SMARCA4: variants seen among roughly 807,000 people sequenced by gnomAD.
SMARCA4 encodes the protein SWI/SNF-related matrix-associated actin-dependent regulator of chromatin subfamily A member 4.
Under a neutral mutation model 193.9 loss-of-function variants are expected in SMARCA4, and 31 were observed. The observed-to-expected ratio is 0.16, with a 90% CI of 0.12 to 0.22. The LOEUF (loss-of-function observed/expected upper bound fraction) is 0.22, where lower values mean the gene tolerates loss of function less well. Among genes scored for constraint, SMARCA4 ranks in the 10% least tolerant of loss-of-function variants. The pLI, the probability that SMARCA4 is intolerant of heterozygous loss-of-function variation, is 1.00. For missense variants in SMARCA4, 1,148 were observed against 2,296.0 expected (o/e 0.50, Z 10.22); for synonymous variants, 942 against 933.1 (o/e 1.01, Z -0.17).
chr19:11,059,138 T>C, intron 32 of SMARCA4: 2 of 477,374 alleles, frequency 4.2e-6, no homozygotes, highest in Non-Finnish European at 7.6e-6. Flanking sequence ...ATTAAAAATT[T>C]CCAACTTGGG....
In SMARCA4 at chr19:11,030,918, C is replaced by A. The variant is rs375755647; in HGVS notation, c.3546+25C>A. On this transcript the variant is annotated intron_variant, in intron 25 of 34. Coordinates refer to ENST00000344626, the MANE Select transcript of SMARCA4 (RefSeq NM_003072.5). The surrounding 1 kb of genome is among the most constrained non-coding windows in gnomAD (Gnocchi z 5.5). ...GGTAAAAGCGGGCCGGGCCCCAGGT[C>A]GAGGAGAAGGAAGGGGGTGCCTGCA... 2.5e-6 allele frequency: 4 copies of A among 1,603,868 alleles called. No homozygotes were observed. In the South Asian group the frequency reaches 3.4e-5, roughly 13 times the overall value.
At chr19:10,973,588 GAGAC>G (rs2084858773) in intron 1 of SMARCA4, among the ~76,000 whole-genome samples, 1 of 68,616 alleles carries the variant, frequency 1.5e-5, no homozygotes, top group Non-Finnish European at 3.0e-5. Context: ...TTTTTTTTTT[GAGAC>G]AGAGTCTTGC....
intron 16 of SMARCA4, among the ~76,000 whole-genome samples, chr19:11,017,433 G>A (rs954799405): frequency 6.6e-6 from 1 of 152,256 alleles, no homozygotes; most frequent in African/African-American, 2.4e-5. Flanking sequence ...CTGGGCAAGC[G>A]TCCATGCTGT....
chr19:11,012,761 T>C (rs1159468156), intron 15 of SMARCA4, 188 bp from the exon 16 acceptor site: 2 of 656,934 alleles, frequency 3.0e-6, no homozygotes, highest in Admixed American at 4.3e-5. Context: ...ACGTTATTGC[T>C]AAGGATGAGG....
Position 10,994,926 on chromosome 19 carries a change from G to T in SMARCA4, c.1518G>T (p.Thr506=), listed in dbSNP as rs145369952. The T allele has an allele frequency of 6.2e-7, 1 of 1,614,154 alleles. No individual in the cohort carries two copies. Among genetic ancestry groups the T allele is most frequent in the East Asian group, 2.2e-5 (1 of 44,884 alleles). Residue 506 remains threonine (T), a synonymous_variant, in exon 9 of 35, where the codon ACG becomes ACT. Coordinates refer to ENST00000344626, the MANE Select transcript of SMARCA4 (RefSeq NM_003072.5). ...KIQKLTKAVA[T]YHANTEREQK... ...AGAAGCTGACCAAGGCAGTGGCCAC[G>T]TACCATGCCAACACGGAGCGGGAGC...
intron 30 of SMARCA4, among the ~76,000 whole-genome samples, chr19:11,049,175 G>A (rs868157178): frequency 1.8e-4 from 27 of 152,280 alleles, no homozygotes; most frequent in Middle Eastern, 3.4e-3. Flanking sequence ...AGGCAGAGAG[G>A]ACACAGTGCA....
At chr19:11,049,936 C>G (rs2076164640) in intron 30 of SMARCA4, among the ~76,000 whole-genome samples, 1 of 152,186 alleles carries the variant, frequency 6.6e-6, no homozygotes, top group Admixed American at 6.5e-5. Flanking sequence ...AACCCCGTCT[C>G]TATTAAAATA....
At chr19:11,028,010 G>C (rs1401313963) in intron 24 of SMARCA4, 60 bp downstream of exon 24, 6 of 1,561,030 alleles carry the variant, frequency 3.8e-6, no homozygotes, top group Non-Finnish European at 5.3e-6. Context: ...TGCCACAGAA[G>C]CTCCTCACTG....
Position 11,033,937 on chromosome 19 carries a change from C to G in SMARCA4, c.3873+72C>G. On this transcript the variant is annotated intron_variant, in intron 27 of 34. Transcript: ENST00000344626. This position sits in a 1 kb window ranked among gnomAD's most constrained non-coding sequence, Gnocchi z 9.8. Reference sequence around the variant, plus strand: ...TCGGCTGAGACGGCCAGCAAGGGCCCTGGTCCCACGGAGCGTGCGTGTGCG... The same window carrying G: ...TCGGCTGAGACGGCCAGCAAGGGCCGTGGTCCCACGGAGCGTGCGTGTGCG... 1.3e-6 allele frequency: 1 copy of G among 754,440 alleles called. No homozygotes were observed. Among genetic ancestry groups the G allele is most frequent in the Non-Finnish European group, 2.4e-6 (1 of 410,274 alleles). The allele number at this position is 754,440 out of a possible 1,614,324, so 46.7% of individuals were successfully genotyped here.
intron 6 of SMARCA4, among the ~76,000 whole-genome samples, chr19:10,988,780 C>T (rs138991826): frequency 1.2e-3 from 187 of 152,202 alleles, no homozygotes; most frequent in African/African-American, 4.3e-3. Flanking sequence ...CTTTGTTGTT[C>T]TTGTTTAGTG....
At chr19:11,005,858 G>T (rs548115760) in intron 13 of SMARCA4, among the ~76,000 whole-genome samples, 1 of 152,162 alleles carries the variant, frequency 6.6e-6, no homozygotes, top group South Asian at 2.1e-4. Flanking sequence ...TGGTCAACTC[G>T]CTGAGCTCTG....
Position 11,041,336 on chromosome 19 carries a change from C to T in SMARCA4, c.4200C>T (p.Ile1400=), listed in dbSNP as rs577059244. 32 of 1,611,750 alleles carry T rather than the reference C, an allele frequency of 2.0e-5. No individual in the cohort carries two copies. In the East Asian group the frequency reaches 6.2e-4, roughly 31 times the overall value. ...TCGAGGAGGGCACGCTGGAGGAGAT[C>T]GAAGAGGAGGTCCGGCAGAAGAAAT... is the stretch of plus-strand genomic sequence containing the variant. ...KAIEEGTLEE[I]EEEVRQKKSS... is the part of the protein sequence containing the mutation. The change falls in exon 30 of 35, where the codon ATC becomes ATT. Residue 1400 remains isoleucine, a synonymous_variant. Transcript: ENST00000344626. This position sits in a 1 kb window ranked among gnomAD's most constrained non-coding sequence, Gnocchi z 5.6.
At chr19:11,004,360 T>C (rs1183410366) in intron 13 of SMARCA4, among the ~76,000 whole-genome samples, 1 of 152,070 alleles carries the variant, frequency 6.6e-6, no homozygotes, top group Non-Finnish European at 1.5e-5. Context: ...GTGATTCTCC[T>C]GCCTCAGTCT....
Position 11,041,175 on chromosome 19 carries a change from C to T in SMARCA4, c.4171-132C>T. The T allele has an allele frequency of 3.2e-6, 3 of 947,034 alleles. No individual in the cohort carries two copies. The highest frequency in any genetic ancestry group is 1.6e-5 in the African/African-American group (1 of 61,228). The allele number at this position is 947,034 out of a possible 1,614,324, so 58.7% of individuals were successfully genotyped here. ...TCCCAGTGTGTGTTATGCCCCGAGC[C>T]AGTCAAGCTGAAGGGAGAGCGGGTG... is the stretch of plus-strand genomic sequence containing the variant. On this transcript the variant is annotated intron_variant, in intron 29 of 34. Transcript: ENST00000344626. This position sits in a 1 kb window ranked among gnomAD's most constrained non-coding sequence, Gnocchi z 5.6.
chr19:11,045,148 G>A (rs1268723163), intron 30 of SMARCA4, among the ~76,000 whole-genome samples: 1 of 152,106 alleles, frequency 6.6e-6, no homozygotes, highest in Middle Eastern at 3.2e-3. Flanking sequence ...GTGAAACACC[G>A]TCTCTACTAA....
chr19:11,024,801 C>T (rs1291617006), intron 21 of SMARCA4, among the ~76,000 whole-genome samples: 1 of 152,156 alleles, frequency 6.6e-6, no homozygotes, highest in African/African-American at 2.4e-5. Flanking sequence ...CCAGGCCCCA[C>T]CTGCCTGGCT....
intron 32 of SMARCA4, chr19:11,059,109 TAAA>T: frequency 5.2e-6 from 2 of 387,722 alleles, no homozygotes; most frequent in Non-Finnish European, 9.3e-6. Context: ...ACCCTGTCTT[TAAA>T]AAAAAAAAAG....
At chr19:11,038,309 C>T (rs1353592036) in intron 29 of SMARCA4, among the ~76,000 whole-genome samples, 1 of 152,136 alleles carries the variant, frequency 6.6e-6, no homozygotes, top group African/African-American at 2.4e-5. Flanking sequence ...CTTTTAAGAA[C>T]AATTTTTAAA....
chr19:10,995,928 T>G, intron 9 of SMARCA4: 1 of 487,052 alleles, frequency 2.1e-6, no homozygotes, highest in Non-Finnish European at 3.8e-6. Context: ...AGGCTTCGGG[T>G]TTGGGGTGTA....
Sources: gnomAD v4.1 joint callset for allele counts (sites outside exome capture counted in the v4.1 genomes callset) on GRCh38, gnomAD v4.1.1 for gene constraint, Gnocchi (gnomAD v3.1) non-coding constraint, MANE v1.5 for transcripts, NCBI Gene and HGNC (gene_info 2026-07-23, HGNC 2026-07-21) for gene names.